Variants in EPB41L5 observed in about 807,000 individuals in gnomAD.
The protein encoded by EPB41L5 is erythrocyte membrane protein band 4.1 like 5.
Under a neutral mutation model 106.6 loss-of-function variants are expected in EPB41L5, and 55 were observed. The observed-to-expected ratio is 0.52, with a 90% confidence interval of 0.42 to 0.65. EPB41L5 has a LOEUF of 0.65. Among genes scored for constraint, EPB41L5 ranks in the 30% least tolerant of loss-of-function variants. EPB41L5 has a pLI of 0.00. For synonymous variants in EPB41L5, 297 were observed against 306.7 expected, an observed-to-expected ratio of 0.97 and a Z score of 0.33; for missense variants, 871 against 882.1, an observed-to-expected ratio of 0.99 and a Z score of 0.16.
intron 16 of EPB41L5, among the ~76,000 whole-genome samples, chr2:120,107,844 A>G (rs1006891509): frequency 6.6e-6 from 1 of 152,286 alleles, no homozygotes; most frequent in African/African-American, 2.4e-5. Context: ...CTTTCAGTGT[A>G]AAATATGTCA....
At chr2:120,032,015 G>A (rs1457336925) in intron 2 of EPB41L5, among the ~76,000 whole-genome samples, 1 of 152,040 alleles carries the variant, frequency 6.6e-6, no homozygotes, top group Admixed American at 6.6e-5. Context: ...CATAAAGGAC[G>A]TTCTAAGCAG....
intron 1 of EPB41L5, among the ~76,000 whole-genome samples, chr2:120,017,853 A>G (rs1677630222): frequency 6.6e-6 from 1 of 152,126 alleles, no homozygotes; most frequent in Non-Finnish European, 1.5e-5. Flanking sequence ...GCTGGAGTGC[A>G]GTGAGGCATC....
intron 16 of EPB41L5, among the ~76,000 whole-genome samples, chr2:120,117,310 C>G (rs1684991563): frequency 6.6e-6 from 1 of 152,148 alleles, no homozygotes. Context: ...TATACCCATG[C>G]CACTGTCAAC....
intron 2 of EPB41L5, among the ~76,000 whole-genome samples, chr2:120,035,853 C>G (rs974937513): frequency 5.9e-5 from 9 of 152,166 alleles, no homozygotes; most frequent in Middle Eastern, 3.4e-3. Context: ...TTCTAGTGTC[C>G]TAAGATTAAC....
At chr2:120,138,508 A>G (rs1686032546) in intron 18 of EPB41L5, among the ~76,000 whole-genome samples, 1 of 152,106 alleles carries the variant, frequency 6.6e-6, no homozygotes, top group Non-Finnish European at 1.5e-5. Flanking sequence ...AGATCAACAT[A>G]CAAAAATCAG....
rs757512687 is a variant in EPB41L5 at position 120,073,207 on chromosome 2, A to G, written c.315A>G (p.Lys105=). 1.2e-6 allele frequency: 2 copies of G among 1,609,698 alleles called. No individual in the cohort carries two copies. Among genetic ancestry groups the G allele is most frequent in the South Asian group, 2.2e-5 (2 of 89,730 alleles). The change falls in exon 4 of 25, where the codon AAA becomes AAG. Residue 105 remains lysine, a synonymous_variant. Coordinates refer to ENST00000263713, the MANE Select transcript of EPB41L5 (RefSeq NM_020909.4). ...AHWLDGTKSI[K]KQVKIGSPYC... ...GGTTGGATGGTACAAAAAGCATCAAAAAGCAAGTAAAAAGTAAGTGCAGAC... is the reference window on the plus strand; with the variant it reads ...GGTTGGATGGTACAAAAAGCATCAAGAAGCAAGTAAAAAGTAAGTGCAGAC...
At chr2:120,015,826 C>T (rs564442858) in intron 1 of EPB41L5, among the ~76,000 whole-genome samples, 8 of 150,580 alleles carry the variant, frequency 5.3e-5, no homozygotes, top group African/African-American at 9.8e-5. Flanking sequence ...GGTATGTGCC[C>T]GTAGCCCTAG....
chr2:120,031,595 T>C (rs1038324263), intron 2 of EPB41L5, among the ~76,000 whole-genome samples: 1 of 152,198 alleles, frequency 6.6e-6, no homozygotes, highest in Non-Finnish European at 1.5e-5. Flanking sequence ...ATTTTATTTT[T>C]AATTTATGAA....
At chr2:120,124,786 A>T (rs1479696853) in intron 16 of EPB41L5, among the ~76,000 whole-genome samples, 5 of 151,188 alleles carry the variant, frequency 3.3e-5, no homozygotes, top group African/African-American at 1.2e-4. Context: ...TTTACCTTTC[A>T]TAACGTTTGA....
rs184934656 is a variant in EPB41L5, at chr2:120,122,048, T to G, written c.1338-5640T>G. Among the ~76,000 whole-genome samples, 1,484 of 152,352 alleles carry G rather than the reference T, an allele frequency of 9.7e-3. 26 individuals carry two copies. Among genetic ancestry groups the G allele is most frequent in the African/African-American group, 0.033 (1,374 of 41,564 alleles). On this transcript the variant is annotated intron_variant, in intron 16 of 24. Coordinates refer to ENST00000263713, the MANE Select transcript of EPB41L5 (RefSeq NM_020909.4). Reference sequence around the variant, plus strand: ...GTTGTTTTTTTCTTGTAAATTTGTTTAAGTTCTTTGTAGATTCTGGATATT... The same window carrying G: ...GTTGTTTTTTTCTTGTAAATTTGTTGAAGTTCTTTGTAGATTCTGGATATT...
intron 16 of EPB41L5, among the ~76,000 whole-genome samples, 186 bp from the exon 17 acceptor site, chr2:120,127,502 G>T (rs1455349105): frequency 6.6e-6 from 1 of 152,028 alleles, no homozygotes; most frequent in East Asian, 1.9e-4. Context: ...CAATATAAAT[G>T]CTATGTAAAT....
At chr2:120,108,029 T>C (rs1684548722) in intron 16 of EPB41L5, 1 of 152,170 alleles carries the variant, frequency 6.6e-6, no homozygotes, top group Admixed American at 6.5e-5. Flanking sequence ...TAACTTTGGC[T>C]TTTTTATTGT....
chr2:120,073,094 A>T, intron 3 of EPB41L5, 84 bp from the exon 4 acceptor site: 1 of 1,227,932 alleles, frequency 8.1e-7, no homozygotes, highest in Non-Finnish European at 1.2e-6. Flanking sequence ...CAGTGTAGGC[A>T]CAATGAAAAG....
chr2:120,143,471 A>G (rs1183377184), intron 19 of EPB41L5, among the ~76,000 whole-genome samples: 2 of 152,158 alleles, frequency 1.3e-5, no homozygotes, highest in African/African-American at 4.8e-5. Context: ...GTAATTAGCA[A>G]AAAGAGTGAG....
intron 20 of EPB41L5, among the ~76,000 whole-genome samples, chr2:120,157,319 G>A (rs1156262404): frequency 6.6e-6 from 1 of 151,938 alleles, no homozygotes; most frequent in African/African-American, 2.4e-5. Context: ...AGCACTAAAT[G>A]CCCACATCAA....
At chr2:120,013,281 G>A (rs1713080) in intron 1 of EPB41L5, 71 bp downstream of exon 1, 38,209 of 152,010 alleles carry the variant, frequency 0.25, 5,071 homozygotes, top group South Asian at 0.36. Flanking sequence ...ACCCTTCCTC[G>A]CCCGCGCCTG....
At position 120,177,911 on chromosome 2, in the gene EPB41L5, CTCT is replaced by C. The variant is rs1292681495; in HGVS notation, c.*3011_*3013del. On this transcript the variant is annotated 3_prime_UTR_variant, in exon 25 of 25. Coordinates refer to ENST00000263713, the MANE Select transcript of EPB41L5 (RefSeq NM_020909.4). ...TCTCACTTCTGGCTAAAACTTGCACCTCTTCTTCTCTTAGCTAAGCCCCAAAAT... is the reference window on the plus strand; with the variant it reads ...TCTCACTTCTGGCTAAAACTTGCACCTCTTCTCTTAGCTAAGCCCCAAAAT... 12 of 152,312 alleles carry C rather than the reference CTCT, an allele frequency of 7.9e-5. No homozygotes were observed. The East Asian group carries it at 2.3e-3, about 29-fold the overall frequency. 9.4% of individuals were successfully genotyped at this position (152,312 alleles called of 1,614,324 possible). A position where few individuals can be genotyped will look rare whatever the true frequency, so the allele number is the denominator to read the frequency against.
At chr2:120,110,788 C>T (rs1477803441) in intron 16 of EPB41L5, among the ~76,000 whole-genome samples, 7 of 151,960 alleles carry the variant, frequency 4.6e-5, no homozygotes, top group African/African-American at 1.7e-4. Flanking sequence ...GAGTGCGCCA[C>T]CATGCCCAGC....
intron 12 of EPB41L5, among the ~76,000 whole-genome samples, chr2:120,090,792 A>G (rs968315498): frequency 6.6e-6 from 1 of 152,216 alleles, no homozygotes; most frequent in African/African-American, 2.4e-5. Flanking sequence ...CTATTTAACA[A>G]GAGTTTTATG....
Sources: gnomAD v4.1 joint callset for allele counts (sites outside exome capture counted in the v4.1 genomes callset) on GRCh38, gnomAD v4.1.1 for gene constraint, MANE v1.5 for transcripts, NCBI Gene and HGNC (gene_info 2026-07-23, HGNC 2026-07-21) for gene names.